TMEM132D: variants seen among roughly 807,000 people sequenced by gnomAD.
TMEM132D encodes transmembrane protein 132D, also known as mature OL transmembrane protein.
A neutral mutation model predicts 62.3 loss-of-function variants in TMEM132D; 21 were observed. The observed-to-expected ratio is 0.34, with a 90% CI of 0.24 to 0.49. TMEM132D has a LOEUF of 0.49. TMEM132D is among the 20% of genes least tolerant of loss of function. TMEM132D has a pLI of 0.99. For missense variants in TMEM132D, 1,346 were observed against 1,402.8 expected, an observed-to-expected ratio of 0.96 and a Z score of 0.65; for synonymous variants, 621 against 575.6, an observed-to-expected ratio of 1.08 and a Z score of -1.13.
chr12:129,274,759 C>T (rs1398625790), intron 4 of TMEM132D, among the ~76,000 whole-genome samples: 3 of 151,980 alleles, frequency 2.0e-5, no homozygotes, highest in Non-Finnish European at 2.9e-5. Flanking sequence ...TGGTGGCGGG[C>T]GCCTGTGGTC....
chr12:129,233,853 G>T (rs1879711809), intron 4 of TMEM132D, among the ~76,000 whole-genome samples: 1 of 147,264 alleles, frequency 6.8e-6, no homozygotes, highest in Admixed American at 6.9e-5. Context: ...TGTTTTCAAG[G>T]GTCAATGGAT....
chr12:129,621,817 G>T (rs1372589309), intron 2 of TMEM132D, among the ~76,000 whole-genome samples: 1 of 152,196 alleles, frequency 6.6e-6, no homozygotes, highest in Non-Finnish European at 1.5e-5. Flanking sequence ...CCTGAGGCAG[G>T]TTTCGAACCC....
chr12:129,702,896 T>C (rs1341871848), intron 1 of TMEM132D, among the ~76,000 whole-genome samples: 2 of 152,244 alleles, frequency 1.3e-5, no homozygotes, highest in Non-Finnish European at 2.9e-5. Context: ...CACTGTCCTC[T>C]TGGCTTCCAT....
rs369855690 is a variant in TMEM132D, at chr12:129,215,427, A to G, written c.1300-5764T>C. ...GAAATAATTGGTACAACAAACCTCC[A>G]TGACACATTTCCCTTTGTAACAAAC... On this transcript the variant is annotated intron_variant, in intron 4 of 8. Transcript: ENST00000422113. Among the ~76,000 whole-genome samples the G allele has an allele frequency of 3.9e-5, 6 of 152,338 alleles. No individual in the cohort carries two copies. In the East Asian group the frequency reaches 9.6e-4, roughly 24 times the overall value.
At chr12:129,663,927 G>A (rs967931852) in intron 2 of TMEM132D, among the ~76,000 whole-genome samples, 6 of 148,462 alleles carry the variant, frequency 4.0e-5, no homozygotes, top group African/African-American at 1.5e-4. Context: ...AGAGATTTTA[G>A]CCATTATTCT....
chr12:129,376,654 T>C lies in TMEM132D; in HGVS notation c.1116-38837A>G, dbSNP rs114765426. On this transcript the variant is annotated intron_variant, in intron 3 of 8. Coordinates refer to ENST00000422113, the MANE Select transcript of TMEM132D (RefSeq NM_133448.3). ...GACAGGGCTTTTAAATAAATCAGGG[T>C]AAAGGAGGTCATTAGGGTAGGGTGT... 2.6e-3 allele frequency among the ~76,000 whole-genome samples: 399 copies of C among 152,116 alleles called. 3 individuals carry two copies. The highest frequency in any genetic ancestry group is 9.1e-3 in the African/African-American group (376 of 41,498).
chr12:129,676,453 T>C (rs766461573), intron 2 of TMEM132D, among the ~76,000 whole-genome samples: 2 of 152,184 alleles, frequency 1.3e-5, no homozygotes, highest in East Asian at 1.9e-4. Context: ...ATAAAGACGA[T>C]AGGTTTATTT....
At chr12:129,245,868 A>G (rs1024742862) in intron 4 of TMEM132D, among the ~76,000 whole-genome samples, 1 of 152,192 alleles carries the variant, frequency 6.6e-6, no homozygotes, top group South Asian at 2.1e-4. Context: ...GTTAGTCGCC[A>G]CCCTATAAAT....
At chr12:129,501,197 C>T (rs1875129962) in intron 3 of TMEM132D, among the ~76,000 whole-genome samples, 1 of 152,094 alleles carries the variant, frequency 6.6e-6, no homozygotes, top group South Asian at 2.1e-4. Context: ...AAGTGAAAAG[C>T]ATTTCACAGA....
chr12:129,560,157 C>G (rs1877175014), intron 2 of TMEM132D, among the ~76,000 whole-genome samples: 1 of 152,168 alleles, frequency 6.6e-6, no homozygotes, highest in Non-Finnish European at 1.5e-5. Flanking sequence ...GGGCACCAAG[C>G]AAGACATCCA....
intron 3 of TMEM132D, among the ~76,000 whole-genome samples, chr12:129,415,509 A>G (rs929048103): frequency 1.3e-5 from 2 of 152,196 alleles, no homozygotes; most frequent in Non-Finnish European, 2.9e-5. Context: ...GATATCTAAT[A>G]TTTTCTGCCA....
chr12:129,434,352 G>A (rs1291054267), intron 3 of TMEM132D, among the ~76,000 whole-genome samples: 2 of 152,184 alleles, frequency 1.3e-5, no homozygotes, highest in Admixed American at 6.5e-5. Context: ...AATTGTGACT[G>A]AATGAACATG....
intron 3 of TMEM132D, among the ~76,000 whole-genome samples, chr12:129,493,537 GATAA>G (rs1874861816): frequency 6.6e-6 from 1 of 152,250 alleles, no homozygotes; most frequent in East Asian, 1.9e-4. Context: ...CAATAAATAG[GATAA>G]ATAAACAAAT....
Position 129,074,492 on chromosome 12 carries a change from GGAGGTCCACCTGGGCTGGGAAGCTGGT to G in TMEM132D, c.2656_2682del (p.Thr886_Leu894del), listed in dbSNP as rs775235700. 3.1e-6 allele frequency: 5 copies of G among 1,614,010 alleles called. No homozygotes were observed. Among genetic ancestry groups the G allele is most frequent in the African/African-American group, 1.3e-5 (1 of 74,888 alleles). On this transcript the variant is annotated inframe_deletion, in exon 9 of 9. Coordinates refer to ENST00000422113, the MANE Select transcript of TMEM132D (RefSeq NM_133448.3). Reference sequence around the variant, plus strand: ...CCATCCATTTCCCCATTGCTTCTGGGGAGGTCCACCTGGGCTGGGAAGCTGGTGAGGTCGCTGGGGATGGTCTGCAAG... The same window carrying G: ...CCATCCATTTCCCCATTGCTTCTGGGGAGGTCGCTGGGGATGGTCTGCAAG...
intron 5 of TMEM132D, among the ~76,000 whole-genome samples, chr12:129,101,454 C>T (rs766756279): frequency 4.6e-5 from 7 of 152,120 alleles, no homozygotes; most frequent in Non-Finnish European, 7.3e-5. Context: ...GTCTTGCCAC[C>T]AGCACTTGAA....
intron 5 of TMEM132D, among the ~76,000 whole-genome samples, chr12:129,167,330 G>C (rs1247112334): frequency 6.6e-6 from 1 of 152,118 alleles, no homozygotes; most frequent in African/African-American, 2.4e-5. Context: ...ACTTTCCATA[G>C]CAGGAAGGGC....
At chr12:129,230,312 G>T (rs548272594) in intron 4 of TMEM132D, among the ~76,000 whole-genome samples, 1 of 152,054 alleles carries the variant, frequency 6.6e-6, no homozygotes, top group South Asian at 2.1e-4. Context: ...GTTGGAGGGG[G>T]GGGGCTCCCC....
intron 3 of TMEM132D, among the ~76,000 whole-genome samples, chr12:129,514,083 CCCGCCTCGG>C (rs1447237856): frequency 1.3e-5 from 2 of 151,568 alleles, no homozygotes; most frequent in African/African-American, 4.8e-5. Flanking sequence ...TTGTGATCCG[CCCGCCTCGG>C]CCTCCCAAAG....
chr12:129,236,466 G>A (rs1879785928), intron 4 of TMEM132D, among the ~76,000 whole-genome samples: 1 of 131,724 alleles, frequency 7.6e-6, no homozygotes, highest in African/African-American at 3.0e-5. Context: ...GGTGAGCCGA[G>A]ATCGCACCAT....
Sources: gnomAD v4.1 joint callset for allele counts (sites outside exome capture counted in the v4.1 genomes callset) on GRCh38, gnomAD v4.1.1 for gene constraint, MANE v1.5 for transcripts, NCBI Gene and HGNC (gene_info 2026-07-23, HGNC 2026-07-21) for gene names.